NRXN1: variants seen among roughly 807,000 people sequenced by gnomAD.
The protein encoded by NRXN1 is neurexin 1, also known as neurexin-1.
Under a neutral mutation model 150.9 loss-of-function variants are expected in NRXN1, and 39 were observed. The ratio of observed to expected loss-of-function variants is 0.26; its 90% CI spans 0.20 to 0.34. The LOEUF is 0.34. Among genes scored for constraint, NRXN1 ranks in the 10% least tolerant of loss-of-function variants. The pLI, the probability that NRXN1 is intolerant of heterozygous loss-of-function variation, is 1.00. For missense variants in NRXN1, 1,815 were observed against 1,949.9 expected (o/e 0.93, Z 1.30); for synonymous variants, 924 against 757.0 (o/e 1.22, Z -3.62).
chr2:50,488,837 T>C (rs540259994), intron 15 of NRXN1, among the ~76,000 whole-genome samples: 1 of 152,314 alleles, frequency 6.6e-6, no homozygotes, highest in Non-Finnish European at 1.5e-5. Context: ...CAAAGACAGC[T>C]CTTGAACAAG....
chr2:50,337,336 C>T (rs751708826), intron 17 of NRXN1, among the ~76,000 whole-genome samples: 3 of 152,092 alleles, frequency 2.0e-5, no homozygotes, highest in African/African-American at 2.4e-5. Context: ...CTGCTCGCCT[C>T]AGCCTCCCAA....
At chr2:51,007,905 A>C (rs1440513433) in intron 2 of NRXN1, among the ~76,000 whole-genome samples, 1 of 151,978 alleles carries the variant, frequency 6.6e-6, no homozygotes, top group Non-Finnish European at 1.5e-5. Flanking sequence ...AAAGTGATAA[A>C]ATCCTAAGAA....
intron 18 of NRXN1, among the ~76,000 whole-genome samples, chr2:50,144,940 ATT>A (rs1707792448): frequency 6.6e-6 from 1 of 151,764 alleles, no homozygotes; most frequent in African/African-American, 2.4e-5. Flanking sequence ...TATTTTAGTT[ATT>A]CACAAATAAT....
chr2:50,485,249 A>T (rs1400416822), intron 15 of NRXN1, among the ~76,000 whole-genome samples: 2 of 152,232 alleles, frequency 1.3e-5, no homozygotes, highest in Non-Finnish European at 2.9e-5. Flanking sequence ...AGACATCCAG[A>T]TTCAAAATTT....
At chr2:50,382,195 T>C (rs1303868115) in intron 17 of NRXN1, among the ~76,000 whole-genome samples, 1 of 152,188 alleles carries the variant, frequency 6.6e-6, no homozygotes, top group Non-Finnish European at 1.5e-5. Flanking sequence ...ATCACTAGCA[T>C]ACAATGTCTA....
At chr2:50,403,807 G>A (rs950226998) in intron 17 of NRXN1, among the ~76,000 whole-genome samples, 21 of 152,012 alleles carry the variant, frequency 1.4e-4, no homozygotes, top group African/African-American at 5.1e-4. Flanking sequence ...TATTTCATTA[G>A]AAGAGATTTT....
chr2:50,486,496 A>G (rs2090884592), intron 15 of NRXN1, among the ~76,000 whole-genome samples: 1 of 152,198 alleles, frequency 6.6e-6, no homozygotes, highest in Non-Finnish European at 1.5e-5. Flanking sequence ...CGGGAACTAC[A>G]CATGTTAAAT....
chr2:49,966,030 A>C (rs1409587863), intron 21 of NRXN1, among the ~76,000 whole-genome samples: 2 of 152,234 alleles, frequency 1.3e-5, no homozygotes, highest in African/African-American at 4.8e-5. Context: ...AGAAAATCAA[A>C]GTTTCTTGAC....
intron 17 of NRXN1, among the ~76,000 whole-genome samples, chr2:50,319,331 G>A (rs1444001243): frequency 3.3e-5 from 5 of 152,212 alleles, no homozygotes; most frequent in Non-Finnish European, 7.4e-5. Context: ...ATAAAACGTA[G>A]CATAAAGTTA....
chr2:50,942,663 C>T (rs976078806), intron 2 of NRXN1, among the ~76,000 whole-genome samples: 4 of 152,282 alleles, frequency 2.6e-5, no homozygotes, highest in South Asian at 2.1e-4. Context: ...TGGGCCAATT[C>T]CTCCCATTTG....
chr2:50,518,324 A>AT, intron 12 of NRXN1, among the ~76,000 whole-genome samples: 1 of 152,108 alleles, frequency 6.6e-6, no homozygotes, highest in South Asian at 2.1e-4. Context: ...CTGTGATTTT[A>AT]TTTTTTTCAA....
At chr2:50,969,934 A>G (rs1694746613) in intron 2 of NRXN1, among the ~76,000 whole-genome samples, 1 of 152,214 alleles carries the variant, frequency 6.6e-6, no homozygotes, top group Non-Finnish European at 1.5e-5. Flanking sequence ...AAGTATGTAC[A>G]GCAGTGCAGA....
chr2:50,854,635 C>T (rs1210435261), intron 5 of NRXN1, among the ~76,000 whole-genome samples: 1 of 152,024 alleles, frequency 6.6e-6, no homozygotes, highest in Non-Finnish European at 1.5e-5. Flanking sequence ...TGGCGGAATA[C>T]CCAAAGGCAT....
intron 8 of NRXN1, among the ~76,000 whole-genome samples, chr2:50,602,225 T>C (rs1365710196): frequency 6.6e-6 from 1 of 152,104 alleles, no homozygotes; most frequent in Non-Finnish European, 1.5e-5. Context: ...AGCACACATG[T>C]ACTATATTCT....
chr2:50,667,080 A>G (rs975559510), intron 5 of NRXN1, among the ~76,000 whole-genome samples: 4 of 151,932 alleles, frequency 2.6e-5, no homozygotes, highest in Admixed American at 6.6e-5. Context: ...TTCAAAAGCA[A>G]TTGGGATGCT....
chr2:50,870,608 T>C (rs1294095551), intron 5 of NRXN1, among the ~76,000 whole-genome samples: 8 of 152,008 alleles, frequency 5.3e-5, no homozygotes, highest in Admixed American at 4.6e-4. Context: ...TACTTTCCTA[T>C]CACCACACTT....
chr2:50,719,809 T>C (rs1244618194), intron 5 of NRXN1, among the ~76,000 whole-genome samples: 1 of 152,216 alleles, frequency 6.6e-6, no homozygotes, highest in Non-Finnish European at 1.5e-5. Flanking sequence ...ATCTCTCTCA[T>C]CCTGAAAGGC....
chr2:50,829,135 A>G (rs1164657297), intron 5 of NRXN1, among the ~76,000 whole-genome samples: 1 of 147,114 alleles, frequency 6.8e-6, no homozygotes, highest in African/African-American at 2.5e-5. Context: ...AGGCTGAGGC[A>G]GGAGACTCAG....
At chr2:50,884,223 TATC>T (rs982382218) in intron 5 of NRXN1, among the ~76,000 whole-genome samples, 26 of 151,930 alleles carry the variant, frequency 1.7e-4, no homozygotes, top group African/African-American at 6.3e-4. Flanking sequence ...ACTCCTATCT[TATC>T]ATTAGATATA....
Sources: gnomAD v4.1 joint callset for allele counts (sites outside exome capture counted in the v4.1 genomes callset) on GRCh38, gnomAD v4.1.1 for gene constraint, MANE v1.5 for transcripts, NCBI Gene and HGNC (gene_info 2026-07-23, HGNC 2026-07-21) for gene names.